SRRM3: variants seen among roughly 807,000 people sequenced by gnomAD.
The protein encoded by SRRM3 is serine/arginine repetitive matrix 3, also known as serine/arginine repetitive matrix protein 3.
In SRRM3, 27 loss-of-function variants were observed where a neutral mutation model predicts 66.2. That is an observed-to-expected ratio of 0.41 (90% CI 0.30 to 0.56). The LOEUF is 0.56. Among genes scored for constraint, SRRM3 ranks in the 20% least tolerant of loss-of-function variants. The probability of loss-of-function intolerance (pLI) is 0.32; values close to 1 mark genes in which losing one functional copy is unlikely to be tolerated. For missense variants in SRRM3, 918 were observed against 991.9 expected (o/e 0.93, Z 1.00); for synonymous variants, 391 against 414.9 (o/e 0.94, Z 0.70).
chr7:76,236,929 C>T (rs1801167471), intron 2 of SRRM3, among the ~76,000 whole-genome samples: 1 of 152,106 alleles, frequency 6.6e-6, no homozygotes, highest in South Asian at 2.1e-4. Context: ...GGAGCATCTC[C>T]TACAGTGAGA....
At chr7:76,283,211 AC>A in intron 14 of SRRM3, 110 bp downstream of exon 14, 1 of 714,008 alleles carries the variant, frequency 1.4e-6, no homozygotes, top group Non-Finnish European at 1.8e-6. Context: ...TGAACCTGGC[AC>A]GGGGATGGGG....
At chr7:76,275,606 T>G in intron 11 of SRRM3, among the ~76,000 whole-genome samples, 1 of 149,770 alleles carries the variant, frequency 6.7e-6, no homozygotes, top group African/African-American at 2.5e-5. Context: ...CCTTGAGGAG[T>G]TTCTGATATG....
intron 2 of SRRM3, among the ~76,000 whole-genome samples, chr7:76,242,948 G>A (rs1447817825): frequency 1.3e-5 from 2 of 152,132 alleles, no homozygotes; most frequent in Non-Finnish European, 2.9e-5. Flanking sequence ...AGGCCACAGA[G>A]TGGTACCCCA....
At chr7:76,256,335 C>T (rs1317416961) in intron 3 of SRRM3, among the ~76,000 whole-genome samples, 5 of 151,966 alleles carry the variant, frequency 3.3e-5, no homozygotes, top group African/African-American at 9.7e-5. Context: ...GGTGAAACCC[C>T]GTCTCTACTA....
intron 1 of SRRM3, among the ~76,000 whole-genome samples, chr7:76,215,109 T>C (rs1419382707): frequency 4.6e-5 from 7 of 150,776 alleles, no homozygotes; most frequent in Non-Finnish European, 7.4e-5. Flanking sequence ...AATATTAAAC[T>C]GTGATAAAAT....
At chr7:76,240,977 A>G (rs150391443) in intron 2 of SRRM3, among the ~76,000 whole-genome samples, 35 of 151,758 alleles carry the variant, frequency 2.3e-4, no homozygotes, top group African/African-American at 8.0e-4. Context: ...GCTCACTGCA[A>G]CCTCCGCCTC....
rs139858668 is a variant in SRRM3, at chr7:76,252,456, G to T, written c.335+4167G>T. Among the ~76,000 whole-genome samples, 622 of 152,234 alleles carry T rather than the reference G, an allele frequency of 4.1e-3. 3 individuals carry two copies. The highest frequency in any genetic ancestry group is 0.014 in the African/African-American group (591 of 41,558). ...CCTGCGTCAGCCTCCCAAGTAGCTG[G>T]GATTATAGGCATGTGCCACCATGCC... On this transcript the variant is annotated intron_variant, in intron 3 of 14. Coordinates refer to ENST00000611745, the MANE Select transcript of SRRM3 (RefSeq NM_001110199.3).
At chr7:76,235,721 T>A (rs1457222000) in intron 2 of SRRM3, among the ~76,000 whole-genome samples, 2 of 150,906 alleles carry the variant, frequency 1.3e-5, no homozygotes, top group African/African-American at 2.4e-5. Context: ...CAAAAAAAAA[T>A]TTAGCTGGGC....
intron 2 of SRRM3, among the ~76,000 whole-genome samples, chr7:76,243,883 G>T (rs1554605878): frequency 1.3e-5 from 2 of 152,218 alleles, no homozygotes; most frequent in Non-Finnish European, 2.9e-5. Flanking sequence ...GGGAGCAATT[G>T]CTCTCTGCCT....
At chr7:76,219,995 CA>C (rs1800668412) in intron 1 of SRRM3, among the ~76,000 whole-genome samples, 1 of 152,210 alleles carries the variant, frequency 6.6e-6, no homozygotes, top group African/African-American at 2.4e-5. Flanking sequence ...CAAATGTCAG[CA>C]TGCACATAGT....
chr7:76,223,423 G>T (rs1258974235), intron 1 of SRRM3, among the ~76,000 whole-genome samples: 2 of 152,176 alleles, frequency 1.3e-5, no homozygotes, highest in African/African-American at 4.8e-5. Flanking sequence ...GGCTGCACCT[G>T]GCTTCAATGC....
At chr7:76,279,474 G>A (rs782225058) in intron 11 of SRRM3, among the ~76,000 whole-genome samples, 3 of 150,782 alleles carry the variant, frequency 2.0e-5, no homozygotes, top group Non-Finnish European at 2.9e-5. Flanking sequence ...GGATTTTCGG[G>A]GAGGAACAGA....
intron 1 of SRRM3, among the ~76,000 whole-genome samples, chr7:76,204,747 C>A (rs1800253668): frequency 6.6e-6 from 1 of 152,132 alleles, no homozygotes; most frequent in South Asian, 2.1e-4. Flanking sequence ...TCCCTTCCCA[C>A]CTCTTGGCCT....
chr7:76,265,417 C>A lies in SRRM3; in HGVS notation c.779C>A (p.Ser260Tyr), dbSNP rs377440097. The change falls in exon 10 of 15, where the codon TCC (serine) becomes TAC (tyrosine). Residue 260 changes from serine to tyrosine, a missense_variant. Physicochemically the swap from Ser to Tyr is moderately radical, Grantham distance 144 (BLOSUM62 -2). Coordinates refer to ENST00000611745, the MANE Select transcript of SRRM3 (RefSeq NM_001110199.3). The part of the protein sequence containing the change: ...RRSHRHSSGS[S>Y]HSPSLSSHYS... ...TCTCATCGCCATAGCAGTGGCAGCT[C>A]CCACAGCCCCTCCCTCTCCTCCCAC... 6.2e-7 allele frequency: 1 copy of A among 1,606,186 alleles called. No individual in the cohort carries two copies. Among genetic ancestry groups the A allele is most frequent in the African/African-American group, 1.3e-5 (1 of 74,392 alleles).
intron 3 of SRRM3, 111 bp from the exon 4 acceptor site, chr7:76,259,795 G>T: frequency 1.3e-6 from 2 of 1,542,302 alleles, no homozygotes; most frequent in Admixed American, 1.8e-5. Context: ...CCCTCCCCCA[G>T]CCGGGTAGCA....
chr7:76,257,849 G>T (rs1455966394), intron 3 of SRRM3, among the ~76,000 whole-genome samples: 6 of 152,164 alleles, frequency 3.9e-5, no homozygotes, highest in Non-Finnish European at 7.3e-5. Context: ...GCCCTGGAAT[G>T]GAGTTATCAC....
At chr7:76,203,767 G>A (rs920783947) in intron 1 of SRRM3, among the ~76,000 whole-genome samples, 12 of 152,120 alleles carry the variant, frequency 7.9e-5, no homozygotes, top group East Asian at 5.8e-4. Flanking sequence ...GAAGCCACTC[G>A]CGCTGTCCTC....
chr7:76,275,177 A>C (rs943242857), intron 11 of SRRM3, among the ~76,000 whole-genome samples: 2 of 151,798 alleles, frequency 1.3e-5, no homozygotes, highest in East Asian at 1.9e-4. Context: ...ACGGGCTTCT[A>C]TCTTCAGCTT....
Position 76,272,811 on chromosome 7 carries a change from C to T in SRRM3, c.1008+5376C>T, listed in dbSNP as rs916406341. Among the ~76,000 whole-genome samples the T allele has an allele frequency of 5.3e-5, 8 of 152,246 alleles. No individual in the cohort carries two copies. In the South Asian group the frequency reaches 1.5e-3, roughly 28 times the overall value. ...AATTTTATCATGTAATGGGCAGCCTCGGGTGACCCCCAAGAAGAGGTGCCA... is the reference window on the plus strand; with the variant it reads ...AATTTTATCATGTAATGGGCAGCCTTGGGTGACCCCCAAGAAGAGGTGCCA... On this transcript the variant is annotated intron_variant, in intron 11 of 14. Coordinates refer to ENST00000611745, the MANE Select transcript of SRRM3 (RefSeq NM_001110199.3).
Sources: gnomAD v4.1 joint callset for allele counts (sites outside exome capture counted in the v4.1 genomes callset) on GRCh38, gnomAD v4.1.1 for gene constraint, MANE v1.5 for transcripts, NCBI Gene and HGNC (gene_info 2026-07-23, HGNC 2026-07-21) for gene names.